KIAA1217: variants seen among roughly 807,000 people sequenced by gnomAD.
KIAA1217 encodes KIAA1217, also known as sickle tail protein homolog.
Under a neutral mutation model 163.9 loss-of-function variants are expected in KIAA1217, and 88 were observed. The ratio of observed to expected loss-of-function variants is 0.54; its 90% CI spans 0.45 to 0.64. The LOEUF is 0.64. Among genes scored for constraint, KIAA1217 ranks in the 30% least tolerant of loss-of-function variants. KIAA1217 has a pLI of 0.00. For missense variants in KIAA1217, 2,372 were observed against 2,475.0 expected (o/e 0.96, Z 0.88); for synonymous variants, 903 against 923.1 (o/e 0.98, Z 0.39).
At chr10:24,223,972 A>G (rs548186795) in intron 2 of KIAA1217, among the ~76,000 whole-genome samples, 3 of 152,190 alleles carry the variant, frequency 2.0e-5, no homozygotes, top group Admixed American at 2.0e-4. Flanking sequence ...TCCAAATCTG[A>G]CTTCAAACAC....
chr10:24,204,998 T>A (rs2067466437), upstream of KIAA1217, among the ~76,000 whole-genome samples: 5 of 152,186 alleles, frequency 3.3e-5, no homozygotes, highest in Admixed American at 3.3e-4. Flanking sequence ...GAAAAGTACA[T>A]TTTAAGGACT....
rs763227675 is a variant in KIAA1217, at chr10:24,432,976, CTGTTTCCT to C, written c.554-17_554-10del. 3.1e-6 allele frequency: 5 copies of C among 1,609,412 alleles called. No homozygotes were observed. The highest frequency in any genetic ancestry group is 4.3e-6 in the Non-Finnish European group (5 of 1,176,054). On this transcript the variant is annotated splice_polypyrimidine_tract_variant and intron_variant, in intron 3 of 20. Transcript: ENST00000376454. ...CTGAGTCTTGACCTGTGACTAATAA[CTGTTTCCT>C]TTGTGTGCAGGGGTTCTCTATCTCC...
intron 4 of KIAA1217, among the ~76,000 whole-genome samples, chr10:24,436,014 C>G (rs2059989946): frequency 6.6e-6 from 1 of 151,906 alleles, no homozygotes; most frequent in South Asian, 2.1e-4. Context: ...GTGTGCGCCA[C>G]CACGCCAGGC....
At chr10:24,409,948 A>G (rs1246703855) in intron 3 of KIAA1217, among the ~76,000 whole-genome samples, 1 of 149,726 alleles carries the variant, frequency 6.7e-6, no homozygotes, top group East Asian at 1.9e-4. Context: ...GTGATATTCC[A>G]TCATATATAT....
intron 2 of KIAA1217, among the ~76,000 whole-genome samples, chr10:24,202,079 G>C (rs531119350): frequency 1.3e-5 from 2 of 152,176 alleles, no homozygotes; most frequent in Admixed American, 1.3e-4. Context: ...TCAGCCTCCC[G>C]GGGGTGACAT....
At chr10:24,131,616 C>G (rs2063655781) in intron 2 of KIAA1217, among the ~76,000 whole-genome samples, 2 of 152,014 alleles carry the variant, frequency 1.3e-5, no homozygotes, top group Admixed American at 6.6e-5. Context: ...TAACAATTTT[C>G]TAATTAAAAA....
intron 2 of KIAA1217, among the ~76,000 whole-genome samples, chr10:24,200,473 C>T (rs570248892): frequency 1.3e-5 from 2 of 152,248 alleles, no homozygotes; most frequent in South Asian, 2.1e-4. Flanking sequence ...CACTGTGCCA[C>T]TGCACCACCT....
chr10:24,256,069 A>T (rs952697054), intron 2 of KIAA1217, among the ~76,000 whole-genome samples: 2 of 129,934 alleles, frequency 1.5e-5, no homozygotes, highest in South Asian at 2.4e-4. Flanking sequence ...AAAAAAAAAA[A>T]GCTGCTTTTC....
At chr10:23,789,922 C>CACAT in intron 1 of KIAA1217, among the ~76,000 whole-genome samples, 18 of 88,980 alleles carry the variant, frequency 2.0e-4, no homozygotes, top group African/African-American at 9.5e-4. Context: ...TATGCATATA[C>CACAT]ATGTATATAT....
chr10:24,311,682 AT>A (rs2042717632), intron 2 of KIAA1217, among the ~76,000 whole-genome samples: 1 of 152,108 alleles, frequency 6.6e-6, no homozygotes. Context: ...TGACCTCTGC[AT>A]TTGAGCTGGG....
intron 1 of KIAA1217, among the ~76,000 whole-genome samples, chr10:23,709,426 G>A (rs541517163): frequency 6.6e-6 from 1 of 151,994 alleles, no homozygotes; most frequent in Non-Finnish European, 1.5e-5. Flanking sequence ...GTACTCAGGA[G>A]GCTAAGGTGG....
intron 1 of KIAA1217, among the ~76,000 whole-genome samples, chr10:23,916,778 C>G (rs1214400273): frequency 6.6e-6 from 1 of 151,884 alleles, no homozygotes; most frequent in Non-Finnish European, 1.5e-5. Context: ...TCAAGACCAC[C>G]CTGGCTAATA....
At chr10:24,391,924 C>T (rs2055042691) in intron 3 of KIAA1217, among the ~76,000 whole-genome samples, 1 of 152,172 alleles carries the variant, frequency 6.6e-6, no homozygotes, top group Non-Finnish European at 1.5e-5. Flanking sequence ...GCGAAAAATA[C>T]TCTAATTCAA....
chr10:24,543,033 A>T lies in KIAA1217; in HGVS notation c.3763A>T (p.Ser1255Cys). 5 of 1,614,074 alleles carry T rather than the reference A, an allele frequency of 3.1e-6. No individual in the cohort carries two copies. The highest frequency in any genetic ancestry group is 4.2e-6 in the Non-Finnish European group (5 of 1,179,970). The change falls in exon 19 of 21, where the codon AGT (serine) becomes TGT (cysteine). Residue 1255 changes from serine to cysteine, a missense_variant. Ser to Cys is a moderately radical substitution (Grantham distance 112). This residue lies in a region of KIAA1217 where 251 missense variants were observed against 327.3 expected (regional missense o/e 0.77). Transcript: ENST00000376454. Reference sequence around the variant, plus strand: ...ATCCAATATGAGTTTACTCAGAGACAGTAGAAACTATTCCCAGGAAACTGT... The same window carrying T: ...ATCCAATATGAGTTTACTCAGAGACTGTAGAAACTATTCCCAGGAAACTGT... ...SISNMSLLRD[S>C]RNYSQETVPK...
At chr10:24,175,206 C>T (rs1404625479) in intron 2 of KIAA1217, among the ~76,000 whole-genome samples, 4 of 152,134 alleles carry the variant, frequency 2.6e-5, no homozygotes, top group Non-Finnish European at 5.9e-5. Context: ...ATCCTTTTCC[C>T]GAGTCTTCAA....
At chr10:24,261,344 A>G (rs2075702885) in intron 2 of KIAA1217, among the ~76,000 whole-genome samples, 1 of 151,964 alleles carries the variant, frequency 6.6e-6, no homozygotes, top group Non-Finnish European at 1.5e-5. Context: ...CAAAAATACA[A>G]AAATTAGCTG....
At chr10:24,106,790 ATG>A (rs2062646726) in intron 2 of KIAA1217, among the ~76,000 whole-genome samples, 2 of 152,200 alleles carry the variant, frequency 1.3e-5, no homozygotes, top group South Asian at 4.1e-4. Flanking sequence ...ACAGGACCAG[ATG>A]CCTGTCCTTT....
At chr10:24,105,995 A>T (rs773110190) in intron 2 of KIAA1217, among the ~76,000 whole-genome samples, 1 of 152,142 alleles carries the variant, frequency 6.6e-6, no homozygotes, top group East Asian at 1.9e-4. Context: ...GTTATTAGGA[A>T]GTTGGAGACC....
At chr10:23,840,160 C>CT (rs58314817) in intron 1 of KIAA1217, among the ~76,000 whole-genome samples, 12,188 of 145,060 alleles carry the variant, frequency 0.084, 839 homozygotes, top group African/African-American at 0.2. Context: ...AATTACGCTT[C>CT]TTTTTTTTTT....
Sources: gnomAD v4.1 joint callset for allele counts (sites outside exome capture counted in the v4.1 genomes callset) on GRCh38, gnomAD v4.1.1 for gene constraint, gnomAD v4.1.1 regional missense constraint, MANE v1.5 for transcripts, NCBI Gene and HGNC (gene_info 2026-07-23, HGNC 2026-07-21) for gene names.